The following FOXN3 variants were observed in gnomAD, a reference collection of about 807,000 sequenced individuals.
The protein encoded by FOXN3 is forkhead box N3.
FOXN3 carries 7 observed loss-of-function variants against 38.4 expected under a neutral mutation model. The observed-to-expected ratio is 0.18, with a 90% CI of 0.10 to 0.34. The LOEUF is 0.34. FOXN3 is among the 10% of genes least tolerant of loss of function. The probability of loss-of-function intolerance (pLI) is 1.00; values close to 1 mark genes in which losing one functional copy is unlikely to be tolerated. For synonymous variants in FOXN3, 230 were observed against 242.2 expected, an observed-to-expected ratio of 0.95 and a Z score of 0.47; for missense variants, 456 against 613.4, an observed-to-expected ratio of 0.74 and a Z score of 2.71.
intron 3 of FOXN3, among the ~76,000 whole-genome samples, chr14:89,315,236 C>T (rs1290398509): frequency 1.3e-5 from 2 of 152,110 alleles, no homozygotes; most frequent in African/African-American, 4.8e-5. Context: ...AAACACCTTT[C>T]TGATCTTAAA....
chr14:89,506,716 G>A (rs955533464), intron 1 of FOXN3, among the ~76,000 whole-genome samples: 1 of 152,194 alleles, frequency 6.6e-6, no homozygotes, highest in African/African-American at 2.4e-5. Flanking sequence ...TTGAGAAATC[G>A]GATGGTTGCC....
At chr14:89,333,988 A>ATATATATATATATC (rs1888352140) in intron 3 of FOXN3, among the ~76,000 whole-genome samples, 2 of 83,766 alleles carry the variant, frequency 2.4e-5, no homozygotes, top group African/African-American at 7.3e-5. Flanking sequence ...ATATATATAT[A>ATATATATATATATC]TATATATATA....
chr14:89,343,134 T>C (rs1211840741), intron 3 of FOXN3, among the ~76,000 whole-genome samples: 1 of 152,250 alleles, frequency 6.6e-6, no homozygotes, highest in Non-Finnish European at 1.5e-5. Context: ...AAAGATGTCT[T>C]ATAAATTAAA....
rs571082841 is a variant in FOXN3, at chr14:89,160,313, T to G, written c.*2101A>C. On this transcript the variant is annotated 3_prime_UTR_variant, in exon 6 of 6. Coordinates refer to ENST00000557258, the MANE Select transcript of FOXN3 (RefSeq NM_005197.4). ...GTTGTCTGGTTTCTAAATTCAGCTC[T>G]CGCAATCTAGGTGGTCTTAATTCCA... is the stretch of plus-strand genomic sequence containing the variant. 3.4e-5 allele frequency: 5 copies of G among 147,760 alleles called. No homozygotes were observed. In the East Asian group the frequency reaches 1.0e-3, roughly 30 times the overall value. The allele number at this position is 147,760 out of a possible 1,614,324, so 9.2% of individuals were successfully genotyped here. A position where few individuals can be genotyped will look rare whatever the true frequency, so the allele number is the denominator to read the frequency against.
chr14:89,441,398 A>C (rs1386800964), intron 1 of FOXN3, among the ~76,000 whole-genome samples: 2 of 152,248 alleles, frequency 1.3e-5, no homozygotes, highest in Admixed American at 6.5e-5. Context: ...TACGTTAAAA[A>C]GGATGAAACT....
intron 3 of FOXN3, among the ~76,000 whole-genome samples, chr14:89,330,503 G>A (rs1271613968): frequency 2.0e-5 from 3 of 152,226 alleles, no homozygotes; most frequent in African/African-American, 7.2e-5. Flanking sequence ...CTTGTGGGTA[G>A]GAGCATGTCG....
chr14:89,403,070 C>A (rs1176670780), intron 2 of FOXN3, among the ~76,000 whole-genome samples: 1 of 152,232 alleles, frequency 6.6e-6, no homozygotes, highest in African/African-American at 2.4e-5. Flanking sequence ...ATACCAATCT[C>A]ACACTGATCG....
At chr14:89,323,463 G>A (rs1887953414) in intron 3 of FOXN3, among the ~76,000 whole-genome samples, 1 of 152,036 alleles carries the variant, frequency 6.6e-6, no homozygotes, top group South Asian at 2.1e-4. Flanking sequence ...GTTCACGCCT[G>A]TAATCCCAGC....
At chr14:89,200,382 AG>A (rs1888206180) in intron 4 of FOXN3, among the ~76,000 whole-genome samples, 1 of 152,168 alleles carries the variant, frequency 6.6e-6, no homozygotes, top group Non-Finnish European at 1.5e-5. Context: ...TTCTAGGAAA[AG>A]CTACTGGAAG....
chr14:89,466,054 G>A (rs889849167), intron 1 of FOXN3, among the ~76,000 whole-genome samples: 7 of 152,176 alleles, frequency 4.6e-5, no homozygotes, highest in Non-Finnish European at 7.4e-5. Context: ...CAGTGTGATC[G>A]TCACTGAGCA....
intron 2 of FOXN3, among the ~76,000 whole-genome samples, chr14:89,357,899 T>C (rs1166197001): frequency 1.3e-5 from 2 of 152,186 alleles, no homozygotes; most frequent in Admixed American, 1.3e-4. Context: ...AAGCCACCTC[T>C]CTCCCCTCTG....
At chr14:89,330,558 G>A (rs1181479961) in intron 3 of FOXN3, among the ~76,000 whole-genome samples, 1 of 152,184 alleles carries the variant, frequency 6.6e-6, no homozygotes, top group African/African-American at 2.4e-5. Flanking sequence ...TGCAAAGAAA[G>A]AGGGAAGAGT....
intron 2 of FOXN3, among the ~76,000 whole-genome samples, chr14:89,367,006 G>A (rs1295401481): frequency 6.6e-6 from 1 of 152,184 alleles, no homozygotes; most frequent in Non-Finnish European, 1.5e-5. Flanking sequence ...AACAGTGACA[G>A]GGTGTGTGTA....
chr14:89,417,666 A>G (rs1359880413), upstream of FOXN3: 1 of 455,870 alleles, frequency 2.2e-6, no homozygotes, highest in Non-Finnish European at 4.4e-6. Flanking sequence ...AGTAAAAATA[A>G]AAAGAATTAC....
intron 1 of FOXN3, among the ~76,000 whole-genome samples, chr14:89,478,878 G>C (rs572158149): frequency 1.6e-5 from 2 of 124,078 alleles, no homozygotes; most frequent in African/African-American, 6.0e-5. Flanking sequence ...GTTGCAGTGA[G>C]CCAAGATCTA....
intron 1 of FOXN3, among the ~76,000 whole-genome samples, chr14:89,437,594 G>GCC (rs1186677233): frequency 6.6e-6 from 1 of 152,162 alleles, no homozygotes; most frequent in Non-Finnish European, 1.5e-5. Flanking sequence ...TCCCACCAGT[G>GCC]CCATGAGAGT....
chr14:89,300,528 G>A (rs1056358978), intron 3 of FOXN3, among the ~76,000 whole-genome samples: 7 of 152,060 alleles, frequency 4.6e-5, no homozygotes, highest in African/African-American at 1.4e-4. Flanking sequence ...TCTGGCTCCC[G>A]GTACTTCCTA....
In FOXN3 at chr14:89,484,511, T is replaced by G. The variant is rs527243989; in HGVS notation, c.-14-72021A>C. Among the ~76,000 whole-genome samples, 127 of 152,332 alleles carry G rather than the reference T, an allele frequency of 8.3e-4. No individual in the cohort carries two copies. Among genetic ancestry groups the G allele is most frequent in the African/African-American group, 3.0e-3 (124 of 41,576 alleles). ...TATTCTTTTAATTTTTCCCAACCAC[T>G]GAAAAATGTGAAAACCATTCTTAGT... On this transcript the variant is annotated intron_variant, in intron 1 of 6. Transcript: ENST00000345097. The surrounding 1 kb of genome is among the most constrained non-coding windows in gnomAD (Gnocchi z 4.0).
intron 1 of FOXN3, among the ~76,000 whole-genome samples, chr14:89,415,069 G>A (rs1238914891): frequency 2.0e-5 from 3 of 152,116 alleles, no homozygotes; most frequent in Non-Finnish European, 4.4e-5. Flanking sequence ...CTTTATGAAC[G>A]AATTATAGCA....
Sources: gnomAD v4.1 joint callset for allele counts (sites outside exome capture counted in the v4.1 genomes callset) on GRCh38, gnomAD v4.1.1 for gene constraint, Gnocchi (gnomAD v3.1) non-coding constraint, MANE v1.5 for transcripts, NCBI Gene and HGNC (gene_info 2026-07-23, HGNC 2026-07-21) for gene names.